The following DLGAP2 variants were observed in gnomAD, a reference collection of about 807,000 sequenced individuals.
DLGAP2 encodes DLG associated protein 2, also known as disks large-associated protein 2.
DLGAP2 carries 26 observed loss-of-function variants against 100.3 expected under a neutral mutation model. The ratio of observed to expected loss-of-function variants is 0.26; its 90% CI spans 0.19 to 0.36. The LOEUF (loss-of-function observed/expected upper bound fraction) is 0.36, where lower values mean the gene tolerates loss of function less well. Among genes scored for constraint, DLGAP2 ranks in the 10% least tolerant of loss-of-function variants. The pLI is 1.00. For missense variants in DLGAP2, 1,858 were observed against 1,453.2 expected (o/e 1.28, Z -4.53); for synonymous variants, 886 against 630.1 (o/e 1.41, Z -6.08).
intron 3 of DLGAP2, among the ~76,000 whole-genome samples, chr8:1,435,693 T>C (rs1480841800): frequency 1.3e-5 from 2 of 151,514 alleles, no homozygotes; most frequent in Non-Finnish European, 2.9e-5. Flanking sequence ...CTTCAGGAGG[T>C]GTCCGGAAGA....
intron 1 of DLGAP2, among the ~76,000 whole-genome samples, chr8:824,457 G>T (rs906219523): frequency 3.9e-5 from 6 of 152,162 alleles, no homozygotes; most frequent in Non-Finnish European, 7.3e-5. Context: ...AAATGAGGGA[G>T]CGCGTTGGCT....
At chr8:1,088,375 A>G (rs186099359) in intron 2 of DLGAP2, among the ~76,000 whole-genome samples, 37 of 138,830 alleles carry the variant, frequency 2.7e-4, no homozygotes, top group African/African-American at 9.4e-4. Context: ...TTTCTAAGCA[A>G]GGTGAAAAGC....
At position 1,669,479 on chromosome 8, in the gene DLGAP2, C is replaced by A. The variant is rs143929101; in HGVS notation, c.2161-264C>A. Among the ~76,000 whole-genome samples, 561 of 152,370 alleles carry A rather than the reference C, an allele frequency of 3.7e-3. 5 individuals are homozygous for A. Among genetic ancestry groups the A allele is most frequent in the African/African-American group, 0.013 (523 of 41,588 alleles). ...ATCTGGCGGACGTGGTTGAGCAGGG[C>A]TGGCCGTCAAGCCCTCTGCCAACAC... is the stretch of plus-strand genomic sequence containing the variant. On this transcript the variant is annotated intron_variant, in intron 9 of 14. Coordinates refer to ENST00000637795, the MANE Select transcript of DLGAP2 (RefSeq NM_001346810.2).
intron 2 of DLGAP2, among the ~76,000 whole-genome samples, chr8:1,088,777 A>G (rs1804064315): frequency 8.1e-6 from 1 of 123,044 alleles, no homozygotes; most frequent in South Asian, 3.0e-4. Flanking sequence ...CCAGCAGGCT[A>G]TGCAATTCTC....
intron 2 of DLGAP2, among the ~76,000 whole-genome samples, chr8:984,770 G>T (rs1800439577): frequency 6.6e-6 from 1 of 152,206 alleles, no homozygotes; most frequent in African/African-American, 2.4e-5. Context: ...AATTTGGGTT[G>T]CTGAGTCCCT....
At chr8:847,003 G>C (rs1797083714) in intron 1 of DLGAP2, among the ~76,000 whole-genome samples, 2 of 152,168 alleles carry the variant, frequency 1.3e-5, no homozygotes, top group African/African-American at 4.8e-5. Flanking sequence ...CTTATAAAAT[G>C]AGTTGTAAAA....
intron 2 of DLGAP2, among the ~76,000 whole-genome samples, chr8:1,206,578 G>A (rs1245320877): frequency 2.5e-5 from 2 of 79,364 alleles, no homozygotes; most frequent in Non-Finnish European, 4.8e-5. Context: ...GTGGGCGGGG[G>A]TAGACTGTGA....
intron 4 of DLGAP2, among the ~76,000 whole-genome samples, chr8:1,534,805 T>C (rs777151774): frequency 6.6e-6 from 1 of 152,306 alleles, no homozygotes; most frequent in African/African-American, 2.4e-5. Flanking sequence ...TAAGTGTGTG[T>C]GCGCGTGATG....
At chr8:1,095,219 C>G (rs898206354) in intron 2 of DLGAP2, among the ~76,000 whole-genome samples, 7 of 152,172 alleles carry the variant, frequency 4.6e-5, no homozygotes, top group Non-Finnish European at 1.0e-4. Context: ...TTGGTGAACA[C>G]AAAAGCACAG....
chr8:805,994 G>A lies in DLGAP2; in HGVS notation c.18+68169G>A, dbSNP rs143007374. Among the ~76,000 whole-genome samples the A allele has an allele frequency of 2.8e-3, 422 of 152,258 alleles. 3 individuals carry two copies. The highest frequency in any genetic ancestry group is 9.8e-3 in the African/African-American group (406 of 41,524). On this transcript the variant is annotated intron_variant, in intron 1 of 14. Transcript: ENST00000637795. Reference sequence around the variant, plus strand: ...GCTGGGTTTCCCATCTAGCCCTTCCGTTTTGAGGAAGAAAAAGATAGAATG... The same window carrying A: ...GCTGGGTTTCCCATCTAGCCCTTCCATTTTGAGGAAGAAAAAGATAGAATG...
chr8:1,360,060 C>T (rs185136908), intron 3 of DLGAP2, among the ~76,000 whole-genome samples: 159 of 152,272 alleles, frequency 1.0e-3, no homozygotes, highest in African/African-American at 3.5e-3. Flanking sequence ...GCCTCTTCAT[C>T]CCCGTCCACT....
At chr8:1,281,025 C>T (rs900711662) in intron 3 of DLGAP2, among the ~76,000 whole-genome samples, 1 of 152,162 alleles carries the variant, frequency 6.6e-6, no homozygotes, top group African/African-American at 2.4e-5. Context: ...CAATGGTCTT[C>T]CTGAGCCTTC....
chr8:1,066,387 C>G (rs1331808391), intron 2 of DLGAP2, among the ~76,000 whole-genome samples: 1 of 150,732 alleles, frequency 6.6e-6, no homozygotes, highest in Non-Finnish European at 1.5e-5. Flanking sequence ...CCACCAGGAT[C>G]AGGTCTGAGT....
chr8:1,267,242 A>G (rs1379403239), intron 3 of DLGAP2, among the ~76,000 whole-genome samples: 1 of 44,196 alleles, frequency 2.3e-5, no homozygotes, highest in African/African-American at 1.2e-4. Flanking sequence ...AAAATAAATA[A>G]ATAAATAAAA....
At chr8:1,116,044 G>A (rs1805105430) in intron 2 of DLGAP2, among the ~76,000 whole-genome samples, 2 of 152,258 alleles carry the variant, frequency 1.3e-5, no homozygotes, top group South Asian at 2.1e-4. Flanking sequence ...GCCAGTGACA[G>A]TCACTTGGGA....
At chr8:1,574,338 A>G (rs976465956) in intron 6 of DLGAP2, among the ~76,000 whole-genome samples, 8 of 152,146 alleles carry the variant, frequency 5.3e-5, no homozygotes, top group Non-Finnish European at 1.2e-4. Flanking sequence ...ACCAAGAACA[A>G]CAGCCATCCC....
chr8:1,259,417 T>A (rs932557612), intron 3 of DLGAP2, among the ~76,000 whole-genome samples: 1 of 152,246 alleles, frequency 6.6e-6, no homozygotes, highest in East Asian at 1.9e-4. Context: ...GTTGACTGTT[T>A]GGAACTAGTG....
chr8:1,476,592 T>C (rs1014529315), intron 3 of DLGAP2, among the ~76,000 whole-genome samples: 1 of 152,178 alleles, frequency 6.6e-6, no homozygotes, highest in African/African-American at 2.4e-5. Flanking sequence ...GCTGTCCCCA[T>C]CGGTGACATT....
At chr8:1,246,452 C>T (rs2116869697) in intron 2 of DLGAP2, among the ~76,000 whole-genome samples, 1 of 152,356 alleles carries the variant, frequency 6.6e-6, no homozygotes, top group African/African-American at 2.4e-5. Context: ...ACCTTCTCCT[C>T]AGTGTGTCTC....
Sources: allele counts gnomAD v4.1 joint callset (sites outside exome capture counted in the v4.1 genomes callset), GRCh38; gene constraint gnomAD v4.1.1; transcripts MANE v1.5; gene names NCBI Gene and HGNC (gene_info 2026-07-23, HGNC 2026-07-21).